The following RARB variants were observed in gnomAD, a reference collection of about 807,000 sequenced individuals.
RARB encodes retinoic acid receptor beta.
Under a neutral mutation model 51.9 loss-of-function variants are expected in RARB, and 17 were observed. The ratio of observed to expected loss-of-function variants is 0.33; its 90% CI spans 0.22 to 0.49. The LOEUF is 0.49. Ranked by LOEUF, RARB falls within the 20% of genes least tolerant of loss-of-function variation. The pLI is 0.99. For missense variants in RARB, 369 were observed against 550.8 expected (o/e 0.67, Z 3.30); for synonymous variants, 215 against 195.4 (o/e 1.10, Z -0.84).
chr3:25,201,759 C>A (rs56299415), intron 5 of RARB, among the ~76,000 whole-genome samples: 1 of 152,126 alleles, frequency 6.6e-6, no homozygotes, highest in African/African-American at 2.4e-5. Context: ...GTTGAACCAG[C>A]CTTGCATCCC....
chr3:24,892,250 A>T (rs559461890), intron 2 of RARB, among the ~76,000 whole-genome samples: 2 of 150,474 alleles, frequency 1.3e-5, no homozygotes, highest in Non-Finnish European at 3.0e-5. Context: ...TGTAGGTGGC[A>T]TTCCCTCTCT....
chr3:25,461,667 C>T (rs771317930), intron 2 of RARB, among the ~76,000 whole-genome samples: 33 of 152,132 alleles, frequency 2.2e-4, no homozygotes, highest in Middle Eastern at 6.8e-3. Context: ...GGCCAAGGTG[C>T]GCAATCACTT....
intron 3 of RARB, among the ~76,000 whole-genome samples, chr3:25,505,944 C>T (rs1697565007): frequency 6.6e-6 from 1 of 152,080 alleles, no homozygotes; most frequent in Non-Finnish European, 1.5e-5. Flanking sequence ...AGCTAATGGT[C>T]CATGATGGGA....
intron 4 of RARB, among the ~76,000 whole-genome samples, chr3:25,136,625 C>G (rs1381742914): frequency 6.6e-6 from 1 of 151,934 alleles, no homozygotes; most frequent in Non-Finnish European, 1.5e-5. Context: ...ATAAAAGAAC[C>G]AGCACAAAGC....
chr3:25,207,895 G>C (rs777989086), intron 5 of RARB, among the ~76,000 whole-genome samples: 8 of 152,166 alleles, frequency 5.3e-5, no homozygotes, highest in Non-Finnish European at 1.0e-4. Flanking sequence ...CAGTCCTGTA[G>C]GTTGTACAAG....
intron 4 of RARB, among the ~76,000 whole-genome samples, chr3:25,154,788 C>T (rs542371607): frequency 2.0e-4 from 31 of 152,312 alleles, no homozygotes; most frequent in African/African-American, 7.5e-4. Context: ...TTTCCCCAAC[C>T]AGTCCTTTGT....
intron 4 of RARB, among the ~76,000 whole-genome samples, chr3:25,163,504 A>AAAAAAAAAATATATATATATATAT (rs1303712411): frequency 2.3e-5 from 3 of 131,124 alleles, no homozygotes; most frequent in African/African-American, 9.6e-5. Flanking sequence ...CCTATCTCAA[A>AAAAAAAAAATATATATATATATAT]ATATATATAT....
chr3:25,027,148 A>G (rs1327093426), intron 2 of RARB, among the ~76,000 whole-genome samples: 1 of 152,238 alleles, frequency 6.6e-6, no homozygotes, highest in East Asian at 1.9e-4. Flanking sequence ...TAACTTACTC[A>G]GAAACTATAA....
intron 5 of RARB, among the ~76,000 whole-genome samples, chr3:25,233,681 TG>T (rs1338426524): frequency 6.6e-6 from 1 of 151,236 alleles, no homozygotes; most frequent in Non-Finnish European, 1.5e-5. Context: ...GCTATAGGGG[TG>T]TTGTTGTTGT....
At chr3:25,587,550 C>G (rs76008644) in intron 5 of RARB, among the ~76,000 whole-genome samples, 225 of 152,210 alleles carry the variant, frequency 1.5e-3, no homozygotes, top group African/African-American at 4.2e-3. Context: ...TGCTAGAGTA[C>G]TGGTCTGCAA....
At chr3:25,585,817 A>G (rs1314920211) in intron 5 of RARB, among the ~76,000 whole-genome samples, 1 of 152,202 alleles carries the variant, frequency 6.6e-6, no homozygotes, top group Non-Finnish European at 1.5e-5. Flanking sequence ...GGAAGCTCAG[A>G]GAGGGGAAGT....
chr3:25,208,872 A>G (rs1232206890), intron 5 of RARB, among the ~76,000 whole-genome samples: 3 of 152,126 alleles, frequency 2.0e-5, no homozygotes, highest in Admixed American at 6.6e-5. Flanking sequence ...CTACTTCATT[A>G]TCTTTAGAGT....
intron 3 of RARB, among the ~76,000 whole-genome samples, chr3:25,538,869 T>C (rs1235648812): frequency 6.6e-6 from 1 of 152,230 alleles, no homozygotes; most frequent in Non-Finnish European, 1.5e-5. Flanking sequence ...GTAAATATAC[T>C]TGGGTTCAAA....
At chr3:25,070,748 A>T (rs1179054414) in intron 3 of RARB, among the ~76,000 whole-genome samples, 1 of 152,214 alleles carries the variant, frequency 6.6e-6, no homozygotes. Context: ...TGGAGCTTAC[A>T]TTCTCAAGGT....
intron 2 of RARB, among the ~76,000 whole-genome samples, chr3:24,908,477 C>G (rs1057044999): frequency 3.9e-5 from 6 of 152,022 alleles, no homozygotes; most frequent in Admixed American, 3.3e-4. Context: ...TGGATCTTCT[C>G]CTTGATAAGA....
chr3:25,034,888 G>A (rs981063239), intron 2 of RARB, among the ~76,000 whole-genome samples: 2 of 152,198 alleles, frequency 1.3e-5, no homozygotes, highest in African/African-American at 4.8e-5. Context: ...GGCAACTGCA[G>A]CTGGAGCTCA....
chr3:25,569,607 C>A, intron 3 of RARB, 151 bp from the exon 4 acceptor site: 1 of 893,020 alleles, frequency 1.1e-6, no homozygotes, highest in Non-Finnish European at 1.7e-6. Context: ...AATCCCTTTT[C>A]CAGGGAGGTG....
At chr3:24,943,993 G>C (rs1346544964) in intron 2 of RARB, among the ~76,000 whole-genome samples, 1 of 152,150 alleles carries the variant, frequency 6.6e-6, no homozygotes, top group African/African-American at 2.4e-5. Context: ...ATAATATTGT[G>C]AATAACACTG....
chr3:24,932,994 A>G (rs1037983600), intron 2 of RARB, among the ~76,000 whole-genome samples: 3 of 152,152 alleles, frequency 2.0e-5, no homozygotes, highest in Non-Finnish European at 4.4e-5. Flanking sequence ...GAATAAATTT[A>G]TCTTCTTTCA....
Sources: gnomAD v4.1 joint callset for allele counts (sites outside exome capture counted in the v4.1 genomes callset) on GRCh38, gnomAD v4.1.1 for gene constraint, MANE v1.5 for transcripts, NCBI Gene and HGNC (gene_info 2026-07-23, HGNC 2026-07-21) for gene names.